MCCC1: variants seen among roughly 807,000 people sequenced by gnomAD.
The protein encoded by MCCC1 is methylcrotonoyl-CoA carboxylase subunit alpha, mitochondrial.
Under a neutral mutation model 83.8 loss-of-function variants are expected in MCCC1, and 64 were observed. The ratio of observed to expected loss-of-function variants is 0.76; its 90% CI spans 0.62 to 0.94. MCCC1 has a LOEUF of 0.94. Ranked by LOEUF, MCCC1 falls within the 40% of genes least tolerant of loss-of-function variation. The pLI is 0.00. For missense variants in MCCC1, 807 were observed against 904.7 expected (o/e 0.89, Z 1.39); for synonymous variants, 322 against 315.4 (o/e 1.02, Z -0.22).
intron 4 of MCCC1, among the ~76,000 whole-genome samples, chr3:183,081,928 C>T (rs1301001480): frequency 2.0e-5 from 3 of 152,080 alleles, no homozygotes; most frequent in African/African-American, 7.2e-5. Flanking sequence ...AGCTGCTGAC[C>T]CTGAAGGCAA....
intron 1 of MCCC1, among the ~76,000 whole-genome samples, chr3:183,098,040 G>A (rs539511780): frequency 3.3e-5 from 5 of 152,262 alleles, no homozygotes; most frequent in Non-Finnish European, 7.4e-5. Flanking sequence ...TCAGCCTCCC[G>A]AGTAGCTGGG....
chr3:183,072,363 T>A lies in MCCC1; in HGVS notation c.491+3A>T, dbSNP rs776427391. On this transcript the variant is annotated splice_donor_region_variant and intron_variant, in intron 5 of 18. Transcript: ENST00000265594. ...TTATATTTTAAAAGATATAAACTCA[T>A]ACCTCTTTATACCCATGTCTCTAAT... 3 of 1,613,548 alleles carry A rather than the reference T, an allele frequency of 1.9e-6. No individual in the cohort carries two copies. The highest frequency in any genetic ancestry group is 2.7e-5 in the African/African-American group (2 of 74,906).
chr3:183,093,511 C>T (rs1718514526), intron 2 of MCCC1, among the ~76,000 whole-genome samples: 1 of 152,162 alleles, frequency 6.6e-6, no homozygotes. Context: ...TTGTACCAGT[C>T]TACTGGCATG....
At chr3:183,054,099 C>G (rs182733292) in intron 8 of MCCC1, among the ~76,000 whole-genome samples, 128 of 150,548 alleles carry the variant, frequency 8.5e-4, no homozygotes, top group Non-Finnish European at 7.7e-4. Flanking sequence ...CCAGGCTGGT[C>G]TCGAAGTCCT....
At chr3:183,016,973 G>A in intron 18 of MCCC1, 1 of 443,882 alleles carries the variant, frequency 2.3e-6, no homozygotes, top group South Asian at 2.2e-5. Flanking sequence ...CATTCAGTTG[G>A]ATTATCTTAG....
intron 13 of MCCC1, among the ~76,000 whole-genome samples, chr3:183,035,703 T>C (rs1237828425): frequency 3.3e-5 from 5 of 152,074 alleles, no homozygotes; most frequent in Non-Finnish European, 7.3e-5. Context: ...GGTAATATAA[T>C]AATTACCAAT....
intron 10 of MCCC1, among the ~76,000 whole-genome samples, chr3:183,043,747 G>C (rs1424106089): frequency 6.6e-6 from 1 of 152,194 alleles, no homozygotes; most frequent in African/African-American, 2.4e-5. Context: ...GCCTTGACAA[G>C]CTCTTACAAG....
chr3:183,045,665 T>A, intron 9 of MCCC1, 125 bp from the exon 10 acceptor site: 1 of 1,004,560 alleles, frequency 1.0e-6, no homozygotes. Flanking sequence ...TTGCATTTCA[T>A]GAAGAAAACA....
At chr3:183,080,964 G>A (rs1052277084) in intron 4 of MCCC1, among the ~76,000 whole-genome samples, 6 of 152,150 alleles carry the variant, frequency 3.9e-5, no homozygotes, top group Admixed American at 6.5e-5. Flanking sequence ...ACCTCCTACC[G>A]GGTTCCTCCC....
chr3:183,098,486 AC>A (rs1469212736), intron 1 of MCCC1: 1 of 152,252 alleles, frequency 6.6e-6, no homozygotes, highest in Non-Finnish European at 1.5e-5. Context: ...TAAGTAACTT[AC>A]CCAAAGTCAC....
chr3:183,063,505 A>G (rs1677148274), intron 7 of MCCC1, among the ~76,000 whole-genome samples: 1 of 152,180 alleles, frequency 6.6e-6, no homozygotes. Context: ...TTAGTTCAAC[A>G]GGTAATTATT....
At chr3:183,052,663 A>G (rs930541923) in intron 8 of MCCC1, among the ~76,000 whole-genome samples, 1 of 151,878 alleles carries the variant, frequency 6.6e-6, no homozygotes, top group Non-Finnish European at 1.5e-5. Context: ...AAAGAAAATT[A>G]GCCAGGCATG....
intron 7 of MCCC1, among the ~76,000 whole-genome samples, chr3:183,070,351 T>C (rs372917032): frequency 1.3e-5 from 2 of 152,316 alleles, no homozygotes; most frequent in African/African-American, 2.4e-5. Flanking sequence ...ATCAAGATCA[T>C]AGAACCGCTA....
chr3:183,043,474 A>T lies in MCCC1; in HGVS notation c.1084-1724T>A, dbSNP rs1714284219. 2.0e-5 allele frequency among the ~76,000 whole-genome samples: 3 copies of T among 152,328 alleles called. No individual in the cohort carries two copies. The South Asian group carries it at 6.2e-4, about 32-fold the overall frequency. On this transcript the variant is annotated intron_variant, in intron 10 of 18. Coordinates refer to ENST00000265594, the MANE Select transcript of MCCC1 (RefSeq NM_020166.5). ...TGACATTTTCACCAGCTTTCCCTGA[A>T]CACTGTTAACTATCTGTATCTGCAG...
intron 4 of MCCC1, among the ~76,000 whole-genome samples, chr3:183,076,104 T>C (rs1717052639): frequency 6.6e-6 from 1 of 152,234 alleles, no homozygotes; most frequent in Non-Finnish European, 1.5e-5. Context: ...GTGAATTTAG[T>C]AAATCTATAC....
chr3:183,045,268 C>T (rs1577283637), intron 10 of MCCC1, 145 bp downstream of exon 10: 3 of 860,044 alleles, frequency 3.5e-6, no homozygotes, highest in East Asian at 5.8e-5. Context: ...TTGGTAGAGA[C>T]AGGGTTTCAC....
intron 13 of MCCC1, among the ~76,000 whole-genome samples, chr3:183,034,777 C>T (rs1577261646): frequency 6.9e-6 from 1 of 143,936 alleles, no homozygotes; most frequent in South Asian, 2.2e-4. Context: ...CCTTATAGGC[C>T]TTTTTTTTTT....
At chr3:183,017,460 GAATA>G (rs1222114781) in intron 17 of MCCC1, 123 bp from the exon 18 acceptor site, 1 of 859,586 alleles carries the variant, frequency 1.2e-6, no homozygotes, top group African/African-American at 1.7e-5. Context: ...TGCAAACCAT[GAATA>G]TAAACAATAA....
At chr3:183,047,663 G>GA (rs372044687) in intron 9 of MCCC1, among the ~76,000 whole-genome samples, 5,073 of 139,420 alleles carry the variant, frequency 0.036, 276 homozygotes, top group African/African-American at 0.12. Context: ...TGCTAGAATT[G>GA]AAAAAAAAAA....
Sources: allele counts gnomAD v4.1 joint callset (sites outside exome capture counted in the v4.1 genomes callset), GRCh38; gene constraint gnomAD v4.1.1; transcripts MANE v1.5; gene names NCBI Gene and HGNC (gene_info 2026-07-23, HGNC 2026-07-21).